TIPARP: variants seen among roughly 807,000 people sequenced by gnomAD.
TIPARP encodes TCDD inducible poly(ADP-ribose) polymerase.
In TIPARP, 12 loss-of-function variants were observed where a neutral mutation model predicts 56.5. That is an observed-to-expected ratio of 0.21 (90% CI 0.14 to 0.34). The LOEUF is 0.34. Ranked by LOEUF, TIPARP falls within the 10% of genes least tolerant of loss-of-function variation. The probability of loss-of-function intolerance (pLI) is 1.00; values close to 1 mark genes in which losing one functional copy is unlikely to be tolerated. For missense variants in TIPARP, 604 were observed against 781.6 expected, an observed-to-expected ratio of 0.77 and a Z score of 2.71; for synonymous variants, 296 against 265.7, an observed-to-expected ratio of 1.11 and a Z score of -1.11.
At chr3:156,681,893 C>A (rs1045163788) in intron 2 of TIPARP, among the ~76,000 whole-genome samples, 1 of 151,404 alleles carries the variant, frequency 6.6e-6, no homozygotes, top group African/African-American at 2.4e-5. Flanking sequence ...TTCCAAATTC[C>A]AAATATACAG....
At chr3:156,702,031 TGGTG>T (rs1194914850) in intron 4 of TIPARP, among the ~76,000 whole-genome samples, 2 of 91,968 alleles carry the variant, frequency 2.2e-5, no homozygotes, top group East Asian at 3.2e-4. Context: ...GTGGTGGTGG[TGGTG>T]GTGGTGGTGG....
At chr3:156,703,774 G>C (rs1357094965) in intron 5 of TIPARP, 72 bp downstream of exon 5, 2 of 1,488,624 alleles carry the variant, frequency 1.3e-6, no homozygotes, top group African/African-American at 1.4e-5. Context: ...AGCACTTTGG[G>C]AGGCCGAGGC....
intron 3 of TIPARP, among the ~76,000 whole-genome samples, chr3:156,695,211 T>TTTATTTAC (rs1245275035): frequency 1.3e-5 from 2 of 150,922 alleles, no homozygotes; most frequent in Non-Finnish European, 3.0e-5. Flanking sequence ...ATTTTATTTA[T>TTTATTTAC]TTATTTATTT....
intron 2 of TIPARP, among the ~76,000 whole-genome samples, chr3:156,687,991 C>G (rs1295789809): frequency 6.6e-6 from 1 of 152,166 alleles, no homozygotes; most frequent in Non-Finnish European, 1.5e-5. Flanking sequence ...TTGGGGAACA[C>G]TTTTACCTAC....
At chr3:156,685,829 A>G (rs1346809642) in intron 2 of TIPARP, among the ~76,000 whole-genome samples, 2 of 152,246 alleles carry the variant, frequency 1.3e-5, no homozygotes, top group Non-Finnish European at 2.9e-5. Flanking sequence ...CAAAGGGTGA[A>G]CTTTGCTTGC....
chr3:156,705,171 T>C lies in TIPARP; in HGVS notation c.*40T>C, dbSNP rs1318358588. 1 of 739,970 alleles carries C rather than the reference T, an allele frequency of 1.4e-6. No homozygotes were observed. The highest frequency in any genetic ancestry group is 2.5e-5 in the Admixed American group (1 of 40,506). 45.8% of individuals were successfully genotyped at this position (739,970 alleles called of 1,614,324 possible). On this transcript the variant is annotated 3_prime_UTR_variant, in exon 6 of 6. Transcript: ENST00000295924. ...GCTAAATTATTTGATATGAACTCAA[T>C]CCAGCATTTGTAGCAGGTTTTGAAT...
chr3:156,683,736 T>C lies in TIPARP; in HGVS notation c.917+5122T>C, dbSNP rs1722360714. On this transcript the variant is annotated intron_variant, in intron 2 of 5. Transcript: ENST00000295924. ...AAGTTCTTCTGTGTATTTCTAATCA[T>C]GGTCAGTGATCCTTAGTTTTATTCT... Among the ~76,000 whole-genome samples, 3 of 152,240 alleles carry C rather than the reference T, an allele frequency of 2.0e-5. 1 individual carries two copies. The highest frequency in any genetic ancestry group is 4.1e-4 in the South Asian group (2 of 4,838).
chr3:156,703,103 A>G (rs1722892619), intron 4 of TIPARP, among the ~76,000 whole-genome samples: 1 of 152,178 alleles, frequency 6.6e-6, no homozygotes. Flanking sequence ...CTTTAGCTAT[A>G]GGTAATAAAG....
chr3:156,689,667 A>T (rs577424154), intron 2 of TIPARP, among the ~76,000 whole-genome samples: 92 of 152,312 alleles, frequency 6.0e-4, no homozygotes, highest in Middle Eastern at 6.8e-3. Context: ...AAGCCAACTT[A>T]TCCAGTCCAG....
chr3:156,693,920 A>G (rs75767728), intron 2 of TIPARP, 100 bp from the exon 3 acceptor site: 3 of 1,286,290 alleles, frequency 2.3e-6, no homozygotes, highest in African/African-American at 1.5e-5. Context: ...ACAACAGGCT[A>G]TGCTATGTAT....
At chr3:156,675,977 C>G (rs1482916788) in intron 1 of TIPARP, among the ~76,000 whole-genome samples, 1 of 152,108 alleles carries the variant, frequency 6.6e-6, no homozygotes, top group Non-Finnish European at 1.5e-5. Context: ...GGAAAAGTTG[C>G]GCGCGCGCGC....
intron 2 of TIPARP, among the ~76,000 whole-genome samples, chr3:156,686,215 TATGTAAA>T (rs1722424506): frequency 6.6e-6 from 1 of 152,192 alleles, no homozygotes; most frequent in Non-Finnish European, 1.5e-5. Context: ...TCAGAAGCAT[TATGTAAA>T]GTGTTCTACA....
Position 156,695,874 on chromosome 3 carries a change from C to G in TIPARP, c.1096C>G (p.Arg366Gly), listed in dbSNP as rs778830481. Residue 366 changes from arginine to glycine, a missense_variant, in exon 4 of 6, where the codon CGA (arginine) becomes GGA (glycine). Physicochemically the swap from Arg to Gly is moderately radical, Grantham distance 125 (BLOSUM62 -2). Transcript: ENST00000295924. ...GTTTTCTCCTCCATAGTCTGTCATT[C>G]GATTGATTGAAGAAGCCAACTCTCG... ...GWREYPESVIRLIEEANSRGL... is the reference protein window; with the variant it reads ...GWREYPESVIGLIEEANSRGL... 4.6e-6 allele frequency: 6 copies of G among 1,298,248 alleles called. No homozygotes were observed. The African/African-American group carries it at 8.3e-5, about 18-fold the overall frequency. The allele number at this position is 1,298,248 out of a possible 1,614,324, so 80.4% of individuals were successfully genotyped here.
chr3:156,705,080 C>T lies in TIPARP; in HGVS notation c.1923C>T (p.Tyr641=). Residue 641 remains tyrosine, a synonymous_variant, in exon 6 of 6, where the codon TAC becomes TAT. Transcript: ENST00000295924. Reference sequence around the variant, plus strand: ...TCATTTTTAATGATGACCAGAGTTACCCTTATTTTGTTATCCAATATGAAG... The same window carrying T: ...TCATTTTTAATGATGACCAGAGTTATCCTTATTTTGTTATCCAATATGAAG... ...IFVIFNDDQS[Y]PYFVIQYEEV... 1 of 1,612,454 alleles carries T rather than the reference C, an allele frequency of 6.2e-7. No individual in the cohort carries two copies. The highest frequency in any genetic ancestry group is 8.5e-7 in the Non-Finnish European group (1 of 1,179,508).
intron 2 of TIPARP, among the ~76,000 whole-genome samples, chr3:156,690,861 A>G (rs1008420786): frequency 3.3e-5 from 5 of 152,230 alleles, no homozygotes; most frequent in African/African-American, 9.6e-5. Flanking sequence ...GCTTTTACAG[A>G]GACACCCCCA....
chr3:156,676,113 G>A (rs1013926816), intron 1 of TIPARP, among the ~76,000 whole-genome samples: 2 of 152,230 alleles, frequency 1.3e-5, no homozygotes, highest in African/African-American at 2.4e-5. Flanking sequence ...GTTTGGTATG[G>A]TGGAGAGGGA....
At chr3:156,677,591 TAATG>T in intron 1 of TIPARP, 62 bp from the exon 2 acceptor site, 1 of 1,114,170 alleles carries the variant, frequency 9.0e-7, no homozygotes. Context: ...CAAAACATTT[TAATG>T]AATGAATGAA....
At chr3:156,702,146 C>G (rs1377080348) in intron 4 of TIPARP, among the ~76,000 whole-genome samples, 1 of 151,088 alleles carries the variant, frequency 6.6e-6, no homozygotes, top group Non-Finnish European at 1.5e-5. Context: ...CTGTCGATCA[C>G]TTTCTAGCCT....
chr3:156,703,766 C>T, intron 5 of TIPARP, 64 bp downstream of exon 5: 2 of 1,521,924 alleles, frequency 1.3e-6, no homozygotes, highest in Non-Finnish European at 8.8e-7. Flanking sequence ...GTAATCCCAG[C>T]ACTTTGGGAG....
Sources: gnomAD v4.1 joint callset for allele counts (sites outside exome capture counted in the v4.1 genomes callset) on GRCh38, gnomAD v4.1.1 for gene constraint, MANE v1.5 for transcripts, NCBI Gene and HGNC (gene_info 2026-07-23, HGNC 2026-07-21) for gene names.